The following EVC2 variants were observed in gnomAD, a reference collection of about 807,000 sequenced individuals.
The protein encoded by EVC2 is limbin.
Under a neutral mutation model 149.3 loss-of-function variants are expected in EVC2, and 148 were observed. The ratio of observed to expected loss-of-function variants is 0.99; its 90% CI spans 0.87 to 1.14. The LOEUF (loss-of-function observed/expected upper bound fraction) is 1.14. Ranked by LOEUF, EVC2 falls within the 50% of genes most tolerant of loss-of-function variation. EVC2 has a pLI of 0.00. For missense variants in EVC2, 1,854 were observed against 1,627.3 expected, an observed-to-expected ratio of 1.14 and a Z score of -2.40; for synonymous variants, 776 against 649.9, an observed-to-expected ratio of 1.19 and a Z score of -2.95.
intron 4 of EVC2, among the ~76,000 whole-genome samples, chr4:5,690,539 G>C (rs188664856): frequency 1.3e-5 from 2 of 152,128 alleles, no homozygotes; most frequent in Admixed American, 6.6e-5. Context: ...GAGTAACTGA[G>C]GTCAGTCTCA....
intron 3 of EVC2, among the ~76,000 whole-genome samples, chr4:5,692,169 C>A (rs189713453): frequency 1.3e-5 from 2 of 152,136 alleles, no homozygotes; most frequent in African/African-American, 4.8e-5. Context: ...TATTCATAAT[C>A]GTATGTTTTG....
At chr4:5,539,837 A>G (rs1224543372), downstream of EVC2, among the ~76,000 whole-genome samples, 1 of 152,120 alleles carries the variant, frequency 6.6e-6, no homozygotes, top group African/African-American at 2.4e-5. Context: ...AATATTTCTT[A>G]GACACCAAAG....
intron 21 of EVC2, among the ~76,000 whole-genome samples, chr4:5,545,061 CGT>C (rs1396295739): frequency 6.6e-6 from 1 of 152,196 alleles, no homozygotes; most frequent in African/African-American, 2.4e-5. Flanking sequence ...TTCTATTCTT[CGT>C]GTAGTTTACC....
chr4:5,553,461 A>G (rs909803127), intron 21 of EVC2, among the ~76,000 whole-genome samples: 2 of 152,140 alleles, frequency 1.3e-5, no homozygotes, highest in African/African-American at 4.8e-5. Flanking sequence ...TAATAGTGGG[A>G]ATACATGAAC....
downstream of EVC2, among the ~76,000 whole-genome samples, chr4:5,559,091 TC>T (rs1445836625): frequency 6.6e-6 from 1 of 152,102 alleles, no homozygotes; most frequent in Admixed American, 6.6e-5. This position sits in a 1 kb window ranked among gnomAD's most constrained non-coding sequence, Gnocchi z 5.0. Context: ...GCACCTGTAG[TC>T]CCAGCTACTT....
chr4:5,625,876 A>G lies in EVC2; in HGVS notation c.1919T>C (p.Met640Thr). The change falls in exon 13 of 22, where the codon ATG becomes ACG. Residue 640 changes from methionine to threonine, a missense_variant. Coordinates refer to ENST00000344408, the MANE Select transcript of EVC2 (RefSeq NM_147127.5). This position sits in a 1 kb window ranked among gnomAD's most constrained non-coding sequence, Gnocchi z 4.0. ...AGYLDEDQME[M>T]LLERAQTEVF... is the part of the protein sequence containing the mutation. ...TTCTGTCTGAGCCCGCTCCAATAGC[A>G]TTTCCATTTGGTCTTCATCCAGGTA... 6.2e-7 allele frequency: 1 copy of G among 1,614,096 alleles called. No individual in the cohort carries two copies. The highest frequency in any genetic ancestry group is 1.6e-4 in the Middle Eastern group (1 of 6,062).
rs1722220872 is a variant in EVC2, at chr4:5,565,489, G to A, written c.3558-130C>T. The A allele has an allele frequency of 3.3e-5, 25 of 753,696 alleles. No individual in the cohort carries two copies. The South Asian group carries it at 3.5e-4, about 11-fold the overall frequency. The allele number at this position is 753,696 out of a possible 1,614,324, so 46.7% of individuals were successfully genotyped here. A position where few individuals can be genotyped will look rare whatever the true frequency, so the allele number is the denominator to read the frequency against. On this transcript the variant is annotated intron_variant, in intron 20 of 21. Transcript: ENST00000344408. ...AGTTCAAGACCAGCCTGGCCAACATGGTGAAACCCAGTCTCTACTAAAAAA... is the reference window on the plus strand; with the variant it reads ...AGTTCAAGACCAGCCTGGCCAACATAGTGAAACCCAGTCTCTACTAAAAAA...
intron 16 of EVC2, among the ~76,000 whole-genome samples, chr4:5,601,720 T>C (rs1373256752): frequency 2.0e-5 from 3 of 152,168 alleles, no homozygotes; most frequent in Non-Finnish European, 4.4e-5. Flanking sequence ...AATTCCAAAA[T>C]ATTCAGTTTC....
At chr4:5,698,265 A>G (rs1158444293) in intron 1 of EVC2, among the ~76,000 whole-genome samples, 3 of 152,074 alleles carry the variant, frequency 2.0e-5, no homozygotes, top group African/African-American at 7.2e-5. Context: ...CCTGCCCTCC[A>G]TCAACTCTGT....
At chr4:5,593,441 G>T (rs866313145) in intron 16 of EVC2, among the ~76,000 whole-genome samples, 1 of 152,146 alleles carries the variant, frequency 6.6e-6, no homozygotes, top group Non-Finnish European at 1.5e-5. Context: ...TTCTTAGGAG[G>T]TGAGAATTAA....
At position 5,643,794 on chromosome 4, in the gene EVC2, G is replaced by A. The variant is rs527909838; in HGVS notation, c.1146-2956C>T. On this transcript the variant is annotated intron_variant, in intron 9 of 21. Transcript: ENST00000344408. ...AAATTAGCCAGGTGTGGTGGCAGGC[G>A]CCTGTAACCCCAGCTACTCGGGTGG... Among the ~76,000 whole-genome samples the A allele has an allele frequency of 3.7e-4, 56 of 152,170 alleles. 1 individual carries two copies. The highest frequency in any genetic ancestry group is 3.4e-3 in the Middle Eastern group (1 of 294).
At chr4:5,653,979 C>T (rs1718326188) in intron 9 of EVC2, among the ~76,000 whole-genome samples, 2 of 152,044 alleles carry the variant, frequency 1.3e-5, no homozygotes, top group Admixed American at 1.3e-4. Context: ...TTTGGGAGGC[C>T]GAGGCAGGCG....
intron 6 of EVC2, among the ~76,000 whole-genome samples, chr4:5,682,769 G>A (rs11930928): frequency 0.12 from 18,539 of 150,960 alleles, 1,642 homozygotes; most frequent in African/African-American, 0.24. Context: ...TGAGAGAGGA[G>A]AATCGCTTGA....
At chr4:5,536,543 G>A in the EVC2 span, among the ~76,000 whole-genome samples, 2 of 152,118 alleles carry the variant, frequency 1.3e-5, no homozygotes, top group Non-Finnish European at 2.9e-5. Context: ...CTAGCACTTT[G>A]GGAGGCCAAG....
chr4:5,564,169 T>C (rs1311936252), intron 21 of EVC2, among the ~76,000 whole-genome samples: 2 of 152,194 alleles, frequency 1.3e-5, no homozygotes, highest in African/African-American at 4.8e-5. Flanking sequence ...ATTACTGCCC[T>C]TGGAGCTACT....
Position 5,636,668 on chromosome 4 carries a change from G to A in EVC2, c.1470+3846C>T, listed in dbSNP as rs374334760. ...ATCCATGGGGGTGGGATGGTGGGGA[G>A]GGTCCTGGAACCAATGCTTCCTGGG... On this transcript the variant is annotated intron_variant, in intron 10 of 21. Transcript: ENST00000344408. This position sits in a 1 kb window ranked among gnomAD's most constrained non-coding sequence, Gnocchi z 4.6. 1.3e-5 allele frequency among the ~76,000 whole-genome samples: 2 copies of A among 152,122 alleles called. No individual in the cohort carries two copies. The highest frequency in any genetic ancestry group is 4.8e-5 in the African/African-American group (2 of 41,412).
chr4:5,576,377 C>A lies in EVC2; in HGVS notation c.3135G>T (p.Ala1045=), dbSNP rs767047805. 6.2e-7 allele frequency: 1 copy of A among 1,614,100 alleles called. No homozygotes were observed. Among genetic ancestry groups the A allele is most frequent in the Non-Finnish European group, 8.5e-7 (1 of 1,179,996 alleles). ...QEAAQQQQAL[A]SWQQWVADGP... The stretch of plus-strand genomic sequence containing the variant: ...CATCGGCCACCCACTGCTGCCAGCT[C>A]GCCAGGGCCTGCTGCTGCTGGGCTG... Residue 1045 remains alanine, a synonymous_variant, in exon 18 of 22, where the codon GCG becomes GCT. Coordinates refer to ENST00000344408, the MANE Select transcript of EVC2 (RefSeq NM_147127.5). The surrounding 1 kb of genome is among the most constrained non-coding windows in gnomAD (Gnocchi z 4.5).
intron 17 of EVC2, among the ~76,000 whole-genome samples, chr4:5,580,899 C>A (rs1711705297): frequency 6.6e-6 from 1 of 151,920 alleles, no homozygotes; most frequent in Non-Finnish European, 1.5e-5. Context: ...TTAGTGCCAT[C>A]CCTTTGGTGT....
rs772821703 is a variant in EVC2 at position 5,685,445 on chromosome 4, C to T, written c.741G>A (p.Thr247=). The T allele has an allele frequency of 1.4e-5, 23 of 1,614,058 alleles. No homozygotes were observed. The highest frequency in any genetic ancestry group is 1.6e-4 in the Middle Eastern group (1 of 6,084). Residue 247 remains threonine (T), a synonymous_variant, in exon 6 of 22, where the codon ACG becomes ACA. Coordinates refer to ENST00000344408, the MANE Select transcript of EVC2 (RefSeq NM_147127.5). Reference sequence around the variant, plus strand: ...CGTTCCCGAGGTCTCCAGCCTGGAGCGTGGCTGCGTAGCTGACAGCAAAGG... The same window carrying T: ...CGTTCCCGAGGTCTCCAGCCTGGAGTGTGGCTGCGTAGCTGACAGCAAAGG... ...GDAFAVSYAA[T]LQAGDLGNGE...
Sources: gnomAD v4.1 joint callset for allele counts (sites outside exome capture counted in the v4.1 genomes callset) on GRCh38, gnomAD v4.1.1 for gene constraint, Gnocchi (gnomAD v3.1) non-coding constraint, MANE v1.5 for transcripts, NCBI Gene and HGNC (gene_info 2026-07-23, HGNC 2026-07-21) for gene names.